The following DNAJC25 variants were observed in gnomAD, a reference collection of about 807,000 sequenced individuals.
DNAJC25 encodes dnaJ homolog subfamily C member 25.
DNAJC25 carries 26 observed loss-of-function variants against 42.1 expected under a neutral mutation model. That is an observed-to-expected ratio of 0.62 (90% CI 0.45 to 0.86). DNAJC25 has a LOEUF of 0.86. Among genes scored for constraint, DNAJC25 ranks in the 40% least tolerant of loss-of-function variants. The pLI is 0.00. For missense variants in DNAJC25, 404 were observed against 459.4 expected (o/e 0.88, Z 1.10); for synonymous variants, 189 against 179.9 (o/e 1.05, Z -0.40).
In DNAJC25 at chr9:111,653,536, A is replaced by T. The variant is rs1830697643; in HGVS notation, c.*314A>T. The T allele has an allele frequency of 5.6e-6, 1 of 179,694 alleles. No homozygotes were observed. The highest frequency in any genetic ancestry group is 1.1e-5 in the Non-Finnish European group (1 of 86,976). 11.1% of individuals were successfully genotyped at this position (179,694 alleles called of 1,614,324 possible). On this transcript the variant is annotated 3_prime_UTR_variant, in exon 4 of 4. Transcript: ENST00000313525. ...CATGAAAATTTATTAGATACCATTT[A>T]AAAATTTTATGTGTTATGTGTTTAT...
rs1830351313 is a variant in DNAJC25 at position 111,635,607 on chromosome 9, G to A, written c.336+3864G>A. Among the ~76,000 whole-genome samples the A allele has an allele frequency of 5.3e-5, 8 of 152,166 alleles. No individual in the cohort carries two copies. In the South Asian group the frequency reaches 1.7e-3, roughly 32 times the overall value. ...AAATGGCATAGAAATAAGCAGATGA[G>A]AGAACAACTTGAAAGGATGCACTTA... On this transcript the variant is annotated intron_variant, in intron 1 of 3. Coordinates refer to ENST00000313525, the MANE Select transcript of DNAJC25 (RefSeq NM_001015882.3).
chr9:111,643,506 A>T (rs1276074804), intron 1 of DNAJC25, among the ~76,000 whole-genome samples: 1 of 152,236 alleles, frequency 6.6e-6, no homozygotes, highest in Non-Finnish European at 1.5e-5. Context: ...AGGACTCATG[A>T]GGTTCAAATT....
rs1564087279 is a variant in DNAJC25 at position 111,649,534 on chromosome 9, A to G, written c.571A>G (p.Ile191Val). Residue 191 changes from isoleucine (I) to valine (V), a missense_variant, in exon 3 of 4, where the codon ATT becomes GTT. By Grantham distance (29) the Ile-to-Val change is conservative. Coordinates refer to ENST00000313525, the MANE Select transcript of DNAJC25 (RefSeq NM_001015882.3). ...VPKYRIQATE[I>V]AKQQGLLKKA... is the part of the protein sequence containing the mutation. ...CAAGTACCGTATCCAAGCTACAGAG[A>G]TTGCCAAGCAGCAGGGACTGCTCAA... 2 of 1,614,074 alleles carry G rather than the reference A, an allele frequency of 1.2e-6. No homozygotes were observed. The highest frequency in any genetic ancestry group is 1.7e-5 in the Admixed American group (1 of 60,012).
chr9:111,642,762 G>A (rs1483510290), intron 1 of DNAJC25: 1 of 443,934 alleles, frequency 2.3e-6, no homozygotes, highest in South Asian at 1.7e-5. Context: ...CTGGGGAGGG[G>A]GGATGACCCT....
At chr9:111,638,292 G>A (rs1056880847) in intron 1 of DNAJC25, among the ~76,000 whole-genome samples, 2 of 152,200 alleles carry the variant, frequency 1.3e-5, no homozygotes, top group Non-Finnish European at 2.9e-5. Flanking sequence ...AGGGAATGCT[G>A]AAATGCCTGT....
rs977849976 is a variant in DNAJC25, at chr9:111,651,750, C to T, written c.961-1350C>T. Among the ~76,000 whole-genome samples the T allele has an allele frequency of 6.0e-5, 9 of 150,284 alleles. No homozygotes were observed. The East Asian group carries it at 7.9e-4, about 13-fold the overall frequency. On this transcript the variant is annotated intron_variant, in intron 3 of 3. Coordinates refer to ENST00000313525, the MANE Select transcript of DNAJC25 (RefSeq NM_001015882.3). The stretch of plus-strand genomic sequence containing the variant: ...AAGAAAATACAAAAAATTAACTGGG[C>T]GTGGTGGTGCCTGTGGTCCTAGCTA...
intron 1 of DNAJC25, among the ~76,000 whole-genome samples, chr9:111,634,481 C>T (rs186112166): frequency 5.3e-5 from 8 of 152,222 alleles, no homozygotes; most frequent in South Asian, 2.1e-4. Flanking sequence ...TTGTATCCTC[C>T]GGCTGTAAAA....
chr9:111,651,932 G>T (rs1263000645), intron 3 of DNAJC25, among the ~76,000 whole-genome samples: 1 of 151,874 alleles, frequency 6.6e-6, no homozygotes, highest in East Asian at 1.9e-4. Flanking sequence ...ACCTTCTTTG[G>T]AAACTTTAAT....
chr9:111,643,984 C>G (rs762479916), intron 1 of DNAJC25, among the ~76,000 whole-genome samples: 1 of 152,138 alleles, frequency 6.6e-6, no homozygotes, highest in African/African-American at 2.4e-5. Flanking sequence ...GCTCTTGATT[C>G]TAAAGTATAT....
In DNAJC25 at chr9:111,637,629, C is replaced by T. The variant is rs373870932; in HGVS notation, c.336+5886C>T. On this transcript the variant is annotated intron_variant, in intron 1 of 3. Coordinates refer to ENST00000313525, the MANE Select transcript of DNAJC25 (RefSeq NM_001015882.3). ...GTTCACTGTCTTTACTTTCTCATCT[C>T]CCTTTCATTCAAGCTGTCATAGACT... 2.6e-5 allele frequency among the ~76,000 whole-genome samples: 4 copies of T among 152,170 alleles called. No homozygotes were observed. The East Asian group carries it at 7.7e-4, about 29-fold the overall frequency.
intron 1 of DNAJC25, among the ~76,000 whole-genome samples, chr9:111,641,961 G>A (rs1404020206): frequency 1.8e-4 from 24 of 133,378 alleles, no homozygotes; most frequent in African/African-American, 6.7e-4. Flanking sequence ...CGCCCGGCCA[G>A]CCGCCCCGTC....
At chr9:111,641,215 G>A (rs1445711330) in intron 1 of DNAJC25, among the ~76,000 whole-genome samples, 4 of 141,750 alleles carry the variant, frequency 2.8e-5, no homozygotes, top group East Asian at 2.3e-4. Context: ...CGCCCCGTCC[G>A]GGAGGGAGGT....
chr9:111,643,116 A>G (rs917716237), intron 1 of DNAJC25: 2 of 301,124 alleles, frequency 6.6e-6, no homozygotes, highest in African/African-American at 4.3e-5. Context: ...AACTGTTTTA[A>G]GGTTTAAGCT....
In DNAJC25 at chr9:111,654,075, A is replaced by G. The variant is rs917847120; in HGVS notation, c.*853A>G. 8 of 152,176 alleles carry G rather than the reference A, an allele frequency of 5.3e-5. No individual in the cohort carries two copies. Among genetic ancestry groups the G allele is most frequent in the Admixed American group, 2.0e-4 (3 of 15,282 alleles). 9.4% of individuals were successfully genotyped at this position (152,176 alleles called of 1,614,324 possible). Reference sequence around the variant, plus strand: ...TAGTGTATTGAAAAGTTGTTCATCTATTATGAAGTCCTTGAGTGGTGAAAA... The same window carrying G: ...TAGTGTATTGAAAAGTTGTTCATCTGTTATGAAGTCCTTGAGTGGTGAAAA... On this transcript the variant is annotated 3_prime_UTR_variant, in exon 4 of 4. Transcript: ENST00000313525.
chr9:111,632,963 A>G (rs910619002), intron 1 of DNAJC25, among the ~76,000 whole-genome samples: 3 of 152,164 alleles, frequency 2.0e-5, no homozygotes, highest in African/African-American at 7.2e-5. Context: ...AGTTCATTAA[A>G]TTCTCACTAG....
chr9:111,637,208 G>C (rs1362012401), intron 1 of DNAJC25, among the ~76,000 whole-genome samples: 2 of 152,284 alleles, frequency 1.3e-5, no homozygotes, highest in East Asian at 1.9e-4. Flanking sequence ...TAGGTTGGGA[G>C]CCTGCGAGGT....
At chr9:111,640,820 G>T (rs1311683016) in intron 1 of DNAJC25, among the ~76,000 whole-genome samples, 1 of 128,784 alleles carries the variant, frequency 7.8e-6, no homozygotes. Flanking sequence ...CAGCCACCCC[G>T]TCCGGGAGGG....
intron 2 of DNAJC25, among the ~76,000 whole-genome samples, chr9:111,648,332 A>C (rs1462773948): frequency 6.6e-6 from 1 of 150,576 alleles, no homozygotes; most frequent in African/African-American, 2.4e-5. Context: ...AGTGATCATG[A>C]CTCACTGTAG....
Position 111,649,636 on chromosome 9 carries a change from A to G in DNAJC25, c.673A>G (p.Ile225Val). The G allele has an allele frequency of 6.2e-7, 1 of 1,613,896 alleles. No individual in the cohort carries two copies. Among genetic ancestry groups the G allele is most frequent in the Admixed American group, 1.7e-5 (1 of 59,958 alleles). The change falls in exon 3 of 4, where the codon ATT becomes GTT. Residue 225 changes from isoleucine (I) to valine (V), a missense_variant. By Grantham distance (29) the Ile-to-Val change is conservative (BLOSUM62 3). Transcript: ENST00000313525. ...CGAGGAGGAGAACATCATAAAGAAC[A>G]TTATAAAAAGTAAAATAGATATAAA... ...RDEEENIIKN[I>V]IKSKIDIKGG... is the part of the protein sequence containing the mutation.
Sources: gnomAD v4.1 joint callset for allele counts (sites outside exome capture counted in the v4.1 genomes callset) on GRCh38, gnomAD v4.1.1 for gene constraint, MANE v1.5 for transcripts, NCBI Gene and HGNC (gene_info 2026-07-23, HGNC 2026-07-21) for gene names.